Variants in WDR13 observed in about 807,000 individuals in gnomAD.
WDR13 encodes WD repeat domain 13, also known as WD repeat-containing protein 13.
A neutral mutation model predicts 28.6 loss-of-function variants in WDR13; 1 was observed. That is an observed-to-expected ratio of 0.03 (90% CI 0.01 to 0.17). WDR13 has a LOEUF of 0.17. Among genes scored for constraint, WDR13 ranks in the 10% least tolerant of loss-of-function variants. The pLI, the probability that WDR13 is intolerant of heterozygous loss-of-function variation, is 1.00. For missense variants in WDR13, 264 were observed against 469.3 expected, an observed-to-expected ratio of 0.56 and a Z score of 4.04; for synonymous variants, 201 against 185.9, an observed-to-expected ratio of 1.08 and a Z score of -0.66.
Position 48,600,447 on chromosome X carries a change from C to G in WDR13, c.652C>G (p.Arg218Gly). ...TVLRVLRGHTRGVSDFAWSLS... is the reference protein window; with the variant it reads ...TVLRVLRGHTGGVSDFAWSLS... Reference sequence around the variant, plus strand: ...GCTTCGCGTGCTACGGGGCCACACCCGTGGTGTCTCCGACTTCGCCTGGTC... The same window carrying G: ...GCTTCGCGTGCTACGGGGCCACACCGGTGGTGTCTCCGACTTCGCCTGGTC... Residue 218 changes from arginine (R) to glycine (G), a missense_variant, in exon 6 of 10, where the codon CGT (arginine) becomes GGT (glycine). Transcript: ENST00000376729. 8.2e-7 allele frequency: 1 copy of G among 1,212,465 alleles called. No homozygotes were observed. Among genetic ancestry groups the G allele is most frequent in the Non-Finnish European group, 1.1e-6 (1 of 895,715 alleles).
At chrX:48,598,301 G>A (rs1556993296) in intron 2 of WDR13, 7 of 1,062,505 alleles carry the variant, frequency 6.6e-6, no homozygotes, top group Non-Finnish European at 8.4e-6. Flanking sequence ...TCAGGCAGGT[G>A]ACATCCTATC....
In WDR13 at chrX:48,606,112, CAGA is replaced by C. The variant is rs1318974788; in HGVS notation, c.*1081_*1083del. ...GTGGGGGTGACCAGAAGGTGTCAAG[CAGA>C]GGAGGAACATGATCTGACTTGGTCA... On this transcript the variant is annotated 3_prime_UTR_variant, in exon 10 of 10. Coordinates refer to ENST00000376729, the MANE Select transcript of WDR13 (RefSeq NM_001347217.2). 9.4e-6 allele frequency: 1 copy of C among 105,965 alleles called. No individual in the cohort carries two copies. Among genetic ancestry groups the C allele is most frequent in the East Asian group, 3.0e-4 (1 of 3,346 alleles). 8.7% of individuals were successfully genotyped at this position (105,965 alleles called of 1,213,427 possible).
chrX:48,597,831 CG>C, intron 1 of WDR13, 126 bp from the exon 2 acceptor site: 2 of 895,047 alleles, frequency 2.2e-6, no homozygotes, highest in Non-Finnish European at 3.0e-6. Flanking sequence ...TGGTAACACC[CG>C]GGGGGGAGTT....
rs782711601 is a variant in WDR13 at position 48,601,969 on chromosome X, G to C, written c.1012+5G>C. ...TCCTCTTTGATATGGCCACAGGTAG[G>C]CAGACAGCAGGCCTGCATCTGGGTG... On this transcript the variant is annotated splice_donor_5th_base_variant and intron_variant, in intron 7 of 9. Coordinates refer to ENST00000376729, the MANE Select transcript of WDR13 (RefSeq NM_001347217.2). The C allele has an allele frequency of 8.4e-7, 1 of 1,190,600 alleles. No homozygotes were observed. The highest frequency in any genetic ancestry group is 1.1e-6 in the Non-Finnish European group (1 of 881,545).
At chrX:48,597,677 C>G in intron 1 of WDR13, 63 bp downstream of exon 1, 1 of 280,645 alleles carries the variant, frequency 3.6e-6, no homozygotes, top group South Asian at 8.9e-5. Context: ...GCGGCGGGGA[C>G]AAGATGGGTG....
At chrX:48,604,216 C>G in intron 8 of WDR13, 56 bp from the exon 9 acceptor site, 1 of 1,104,848 alleles carries the variant, frequency 9.1e-7, no homozygotes, top group Non-Finnish European at 1.2e-6. Context: ...AGGCCCACAA[C>G]TTGTCTCCCT....
At chrX:48,602,716 G>C (rs2062196049) in intron 8 of WDR13, among the ~76,000 whole-genome samples, 1 of 110,010 alleles carries the variant, frequency 9.1e-6, no homozygotes, top group South Asian at 3.9e-4. Flanking sequence ...ATGGGCCTGG[G>C]CATTGGTAGA....
intron 2 of WDR13, 146 bp downstream of exon 2, chrX:48,598,183 G>T (rs868923110): frequency 1.9e-5 from 21 of 1,130,472 alleles, no homozygotes; most frequent in Middle Eastern, 2.5e-4. Flanking sequence ...GGGCGGGCAC[G>T]CCCGCGGTGA....
At chrX:48,597,864 G>A (rs2062153228) in intron 1 of WDR13, 94 bp from the exon 2 acceptor site, 1 of 1,042,768 alleles carries the variant, frequency 9.6e-7, no homozygotes, top group South Asian at 2.5e-5. Context: ...CGGCGCGGAG[G>A]GACTCGATGT....
intron 8 of WDR13, among the ~76,000 whole-genome samples, chrX:48,602,842 C>G (rs1184746786): frequency 9.0e-6 from 1 of 110,733 alleles, no homozygotes; most frequent in African/African-American, 3.3e-5. Context: ...TGTATATATA[C>G]TTAACAATTT....
rs1467342630 is a variant in WDR13, at chrX:48,600,778, A to G, written c.831+152A>G. 6.4e-6 allele frequency: 4 copies of G among 620,535 alleles called. No homozygotes were observed. The African/African-American group carries it at 1.1e-4, about 16-fold the overall frequency. The allele number at this position is 620,535 out of a possible 1,213,427, so 51.1% of individuals were successfully genotyped here. On this transcript the variant is annotated intron_variant, in intron 6 of 9. Coordinates refer to ENST00000376729, the MANE Select transcript of WDR13 (RefSeq NM_001347217.2). The stretch of plus-strand genomic sequence containing the variant: ...TCGTCAGAGCAGTCCTAGTGTGGTC[A>G]GACTTAAAAGGGAAGCAGATCAGAA...
At chrX:48,600,118 G>T in intron 5 of WDR13, 1 of 438,349 alleles carries the variant, frequency 2.3e-6, no homozygotes, top group Non-Finnish European at 3.8e-6. Context: ...ATCTGCAAAG[G>T]AGCTGCTAAG....
At position 48,597,945 on chromosome X, in the gene WDR13, C is replaced by T. The variant is rs187858916; in HGVS notation, c.-39-13C>T. The T allele has an allele frequency of 6.1e-5, 71 of 1,161,054 alleles. No individual in the cohort carries two copies. The African/African-American group carries it at 9.9e-4, about 16-fold the overall frequency. On this transcript the variant is annotated splice_polypyrimidine_tract_variant and intron_variant, in intron 1 of 9. Transcript: ENST00000376729. ...CGCTCGGGACGCTCACATTCCAGGC[C>T]CTTGTCCTGCAGGCTGCCGCGGGCG... is the stretch of plus-strand genomic sequence containing the variant.
rs1277824453 is a variant in WDR13, at chrX:48,606,021, A to C, written c.*989A>C. 9.1e-6 allele frequency: 1 copy of C among 110,002 alleles called. No homozygotes were observed. Among genetic ancestry groups the C allele is most frequent in the African/African-American group, 3.3e-5 (1 of 30,127 alleles). 9.1% of individuals were successfully genotyped at this position (110,002 alleles called of 1,213,427 possible). On this transcript the variant is annotated 3_prime_UTR_variant, in exon 10 of 10. Coordinates refer to ENST00000376729, the MANE Select transcript of WDR13 (RefSeq NM_001347217.2). ...GAGTCTTGCTGGACCAGAGTGTGAC[A>C]GTACATGAGGTCAGACAGGCCAGAT... is the stretch of plus-strand genomic sequence containing the variant.
chrX:48,599,249 CAGTG>C, intron 3 of WDR13, 100 bp from the exon 4 acceptor site: 1 of 691,821 alleles, frequency 1.4e-6, no homozygotes. Flanking sequence ...GCAGGGGACA[CAGTG>C]AGAAGTGATC....
rs782685544 is a variant in WDR13 at position 48,602,311 on chromosome X, G to A, written c.1154+105G>A. 9 of 915,969 alleles carry A rather than the reference G, an allele frequency of 9.8e-6. No individual in the cohort carries two copies. The African/African-American group carries it at 1.5e-4, about 16-fold the overall frequency. 75.5% of individuals were successfully genotyped at this position (915,969 alleles called of 1,213,427 possible). Reference sequence around the variant, plus strand: ...TCAGGTTAATTTAATTGAGGGAGCAGTAGTAGCAGTAACAGTAATAGCAGT... The same window carrying A: ...TCAGGTTAATTTAATTGAGGGAGCAATAGTAGCAGTAACAGTAATAGCAGT... On this transcript the variant is annotated intron_variant, in intron 8 of 9. Coordinates refer to ENST00000376729, the MANE Select transcript of WDR13 (RefSeq NM_001347217.2).
At chrX:48,598,539 C>A in intron 2 of WDR13, 178 bp from the exon 3 acceptor site, 3 of 1,073,363 alleles carry the variant, frequency 2.8e-6, no homozygotes, top group Non-Finnish European at 3.6e-6. Context: ...CTCATTATTA[C>A]TGCAGACTCA....
chrX:48,600,860 C>T (rs1179431313), intron 6 of WDR13: 10 of 391,298 alleles, frequency 2.6e-5, no homozygotes, highest in African/African-American at 2.3e-4. Context: ...CTTTGGGAGG[C>T]GGAGGCGGGC....
chrX:48,600,035 C>A (rs782105832), intron 5 of WDR13: 2 of 413,070 alleles, frequency 4.8e-6, no homozygotes, highest in Non-Finnish European at 8.2e-6. Context: ...AAGGGTTTTG[C>A]AAATTGCCAA....
Sources: allele counts gnomAD v4.1 joint callset (sites outside exome capture counted in the v4.1 genomes callset), GRCh38; gene constraint gnomAD v4.1.1; transcripts MANE v1.5; gene names NCBI Gene and HGNC (gene_info 2026-07-23, HGNC 2026-07-21).